The following KHDRBS2 variants were observed in gnomAD, a reference collection of about 807,000 sequenced individuals.
The protein encoded by KHDRBS2 is KH domain-containing, RNA-binding, signal transduction-associated protein 2.
In KHDRBS2, 26 loss-of-function variants were observed where a neutral mutation model predicts 44.3. That is an observed-to-expected ratio of 0.59 (90% CI 0.43 to 0.81). The LOEUF (loss-of-function observed/expected upper bound fraction) is 0.81. KHDRBS2 is among the 40% of genes least tolerant of loss of function. KHDRBS2 has a pLI of 0.00. For synonymous variants in KHDRBS2, 194 were observed against 151.1 expected (o/e 1.28, Z -2.08); for missense variants, 476 against 433.1 (o/e 1.10, Z -0.88).
At chr6:61,579,664 C>T in the KHDRBS2 span, among the ~76,000 whole-genome samples, 6 of 152,028 alleles carry the variant, frequency 3.9e-5, no homozygotes, top group Admixed American at 3.3e-4. Context: ...GTAATTCATC[C>T]CTGAGTTATG....
chr6:62,218,574 T>A (rs1426416875), intron 1 of KHDRBS2, among the ~76,000 whole-genome samples: 1 of 151,816 alleles, frequency 6.6e-6, no homozygotes. Flanking sequence ...ATTGGTAACA[T>A]TTAAAGAGGT....
intron 1 of KHDRBS2, among the ~76,000 whole-genome samples, chr6:62,271,811 CA>C (rs1840136624): frequency 6.6e-6 from 1 of 151,732 alleles, no homozygotes; most frequent in South Asian, 2.1e-4. Flanking sequence ...TAGCTAATTG[CA>C]AAAAGTCAAA....
chr6:61,558,683 A>T, the KHDRBS2 span, among the ~76,000 whole-genome samples: 7 of 152,298 alleles, frequency 4.6e-5, no homozygotes, highest in East Asian at 1.3e-3. Flanking sequence ...CCAACTGGTT[A>T]TTCAGGAGTA....
the KHDRBS2 span, among the ~76,000 whole-genome samples, chr6:61,623,795 T>C: frequency 6.6e-6 from 1 of 152,176 alleles, no homozygotes; most frequent in African/African-American, 2.4e-5. Flanking sequence ...GAAAATAGCC[T>C]GTCTAGCTTA....
the KHDRBS2 span, among the ~76,000 whole-genome samples, chr6:61,553,018 A>G: frequency 6.6e-6 from 1 of 152,192 alleles, no homozygotes; most frequent in Non-Finnish European, 1.5e-5. Flanking sequence ...GTGGCCTCAT[A>G]GAATGACTTA....
the KHDRBS2 span, among the ~76,000 whole-genome samples, chr6:61,653,613 CAG>C: frequency 0.24 from 35,237 of 148,652 alleles, 4,606 homozygotes; most frequent in African/African-American, 0.36. Flanking sequence ...AACTGAGAGA[CAG>C]AGAGAGAGAG....
chr6:62,090,895 G>A (rs1354278099), intron 2 of KHDRBS2, among the ~76,000 whole-genome samples: 1 of 152,104 alleles, frequency 6.6e-6, no homozygotes, highest in African/African-American at 2.4e-5. Flanking sequence ...AGTGTCACAG[G>A]GAATATGGAC....
rs182790182 is a variant in KHDRBS2 at position 61,914,636 on chromosome 6, T to G, written c.484-13265A>C. Among the ~76,000 whole-genome samples, 736 of 152,214 alleles carry G rather than the reference T, an allele frequency of 4.8e-3. 8 individuals are homozygous for G. The highest frequency in any genetic ancestry group is 0.017 in the African/African-American group (693 of 41,528). On this transcript the variant is annotated intron_variant, in intron 4 of 8. Coordinates refer to ENST00000281156, the MANE Select transcript of KHDRBS2 (RefSeq NM_152688.4). The stretch of plus-strand genomic sequence containing the variant: ...AAGAAACCTGCACGTTGTGCACATG[T>G]ACCCTAAAATTTAAAGTATAATAAT...
At chr6:61,690,514 T>C (rs1767278414) in intron 8 of KHDRBS2, among the ~76,000 whole-genome samples, 1 of 152,066 alleles carries the variant, frequency 6.6e-6, no homozygotes, top group Non-Finnish European at 1.5e-5. Context: ...TAAACACATG[T>C]GGACTATAAT....
At chr6:61,901,562 A>AGAAATT (rs777907390) in intron 4 of KHDRBS2, among the ~76,000 whole-genome samples, 191 bp from the exon 5 acceptor site, 1 of 152,216 alleles carries the variant, frequency 6.6e-6, no homozygotes, top group Admixed American at 6.5e-5. Flanking sequence ...TTTTATATAG[A>AGAAATT]GAAATTGAAA....
intron 2 of KHDRBS2, among the ~76,000 whole-genome samples, chr6:62,174,707 T>C (rs1820741501): frequency 6.6e-6 from 1 of 151,742 alleles, no homozygotes; most frequent in South Asian, 2.1e-4. Context: ...GAGGACTGTG[T>C]CATCATCACA....
chr6:62,086,390 A>C (rs373928222), intron 2 of KHDRBS2, among the ~76,000 whole-genome samples: 1 of 152,310 alleles, frequency 6.6e-6, no homozygotes, highest in South Asian at 2.1e-4. Context: ...TATTTAATTA[A>C]GCAAGACAGT....
chr6:62,113,848 G>A (rs191823259), intron 2 of KHDRBS2, among the ~76,000 whole-genome samples: 86 of 152,106 alleles, frequency 5.7e-4, no homozygotes, highest in Admixed American at 1.3e-3. Flanking sequence ...TGACAAGATG[G>A]CAACATTACT....
At chr6:61,662,353 C>G in the KHDRBS2 span, among the ~76,000 whole-genome samples, 1 of 151,712 alleles carries the variant, frequency 6.6e-6, no homozygotes, top group Admixed American at 6.6e-5. Context: ...GACTTCATGT[C>G]TAAAACACCA....
Position 62,033,157 on chromosome 6 carries a change from A to G in KHDRBS2, c.336+14721T>C, listed in dbSNP as rs572640653. ...GAGCTTGAGCACAGGTTATTTGAAAATACCCAAACAGAGGAGACAAAAGAA... is the reference window on the plus strand; with the variant it reads ...GAGCTTGAGCACAGGTTATTTGAAAGTACCCAAACAGAGGAGACAAAAGAA... On this transcript the variant is annotated intron_variant, in intron 3 of 8. Coordinates refer to ENST00000281156, the MANE Select transcript of KHDRBS2 (RefSeq NM_152688.4). Among the ~76,000 whole-genome samples, 24 of 152,084 alleles carry G rather than the reference A, an allele frequency of 1.6e-4. No individual in the cohort carries two copies. The South Asian group carries it at 4.6e-3, about 29-fold the overall frequency.
intron 1 of KHDRBS2, among the ~76,000 whole-genome samples, chr6:62,180,394 C>T (rs1822025595): frequency 6.6e-6 from 1 of 151,776 alleles, no homozygotes; most frequent in South Asian, 2.1e-4. Context: ...TTTCTATATA[C>T]TAGCAACAAA....
intron 6 of KHDRBS2, among the ~76,000 whole-genome samples, chr6:61,848,552 C>CATATAT (rs1223042685): frequency 5.4e-5 from 2 of 37,248 alleles, no homozygotes; most frequent in Admixed American, 3.3e-4. Context: ...TATATATATA[C>CATATAT]ATATATATAT....
At chr6:62,004,553 G>A (rs1263592971) in intron 3 of KHDRBS2, among the ~76,000 whole-genome samples, 3 of 152,082 alleles carry the variant, frequency 2.0e-5, no homozygotes, top group East Asian at 3.9e-4. Context: ...ATGACCAGAC[G>A]GATTCACAGC....
At chr6:61,586,676 G>T in the KHDRBS2 span, among the ~76,000 whole-genome samples, 1 of 152,122 alleles carries the variant, frequency 6.6e-6, no homozygotes, top group Non-Finnish European at 1.5e-5. Context: ...GGGAGGATTT[G>T]AGTTTAGGGA....
Sources: allele counts gnomAD v4.1 joint callset (sites outside exome capture counted in the v4.1 genomes callset), GRCh38; gene constraint gnomAD v4.1.1; transcripts MANE v1.5; gene names NCBI Gene and HGNC (gene_info 2026-07-23, HGNC 2026-07-21).